TCF12: variants seen among roughly 807,000 people sequenced by gnomAD.
TCF12 encodes the protein DNA-binding protein HTF4.
A neutral mutation model predicts 86.0 loss-of-function variants in TCF12; 45 were observed. The observed-to-expected ratio is 0.52, with a 90% confidence interval of 0.41 to 0.67. The LOEUF (loss-of-function observed/expected upper bound fraction) is 0.67. TCF12 is among the 30% of genes least tolerant of loss of function. The pLI is 0.00. For synonymous variants in TCF12, 330 were observed against 299.6 expected (o/e 1.10, Z -1.05); for missense variants, 881 against 859.9 (o/e 1.02, Z -0.31).
intron 3 of TCF12, among the ~76,000 whole-genome samples, chr15:57,048,955 T>G (rs1274323407): frequency 6.6e-6 from 1 of 152,184 alleles, no homozygotes; most frequent in Non-Finnish European, 1.5e-5. Context: ...ATTGAACACT[T>G]ACTTCTCCAG....
At chr15:57,171,886 T>A (rs1307641657) in intron 6 of TCF12, among the ~76,000 whole-genome samples, 1 of 152,238 alleles carries the variant, frequency 6.6e-6, no homozygotes, top group African/African-American at 2.4e-5. Context: ...ACAAAGTTTT[T>A]CATTTATACC....
At chr15:56,955,500 A>C (rs1275645191) in intron 3 of TCF12, among the ~76,000 whole-genome samples, 2 of 152,184 alleles carry the variant, frequency 1.3e-5, no homozygotes, top group African/African-American at 4.8e-5. Flanking sequence ...ATGTATACCT[A>C]TGTATCAAAG....
rs1384679218 is a variant in TCF12, at chr15:57,284,262, T to C, written c.*11+1664T>C. On this transcript the variant is annotated intron_variant, in intron 20 of 20. Transcript: ENST00000333725. The stretch of plus-strand genomic sequence containing the variant: ...CTCTGTCGCCTGAGCTGGAGTGCAA[T>C]GGTGTGATCATCTCGGCTCACTCCA... Among the ~76,000 whole-genome samples, 4 of 152,298 alleles carry C rather than the reference T, an allele frequency of 2.6e-5. No homozygotes were observed. In the East Asian group the frequency reaches 7.7e-4, roughly 29 times the overall value.
At chr15:57,053,684 G>A (rs2067791610) in intron 3 of TCF12, among the ~76,000 whole-genome samples, 1 of 151,254 alleles carries the variant, frequency 6.6e-6, no homozygotes, top group Admixed American at 6.6e-5. Context: ...CATAACGCCT[G>A]TAGCTGCTTT....
At chr15:57,090,782 C>T (rs1490037572) in intron 4 of TCF12, among the ~76,000 whole-genome samples, 4 of 152,056 alleles carry the variant, frequency 2.6e-5, no homozygotes, top group South Asian at 2.1e-4. Context: ...TACGTTTTTC[C>T]GGTCTTTACC....
At chr15:57,266,415 C>T (rs2060874414) in intron 18 of TCF12, among the ~76,000 whole-genome samples, 1 of 152,114 alleles carries the variant, frequency 6.6e-6, no homozygotes, top group Non-Finnish European at 1.5e-5. Flanking sequence ...CATCACCATG[C>T]CACATTCATT....
At chr15:57,225,115 T>A (rs2058805588) in intron 8 of TCF12, among the ~76,000 whole-genome samples, 1 of 152,008 alleles carries the variant, frequency 6.6e-6, no homozygotes, top group African/African-American at 2.4e-5. Flanking sequence ...GTTATTTTCT[T>A]TGGGATTACG....
At chr15:57,203,356 T>G (rs2057650239) in intron 8 of TCF12, among the ~76,000 whole-genome samples, 1 of 152,236 alleles carries the variant, frequency 6.6e-6, no homozygotes, top group African/African-American at 2.4e-5. Flanking sequence ...TATTCTTTAT[T>G]TCTTAAGTTA....
chr15:57,062,768 C>T (rs777010649), intron 3 of TCF12, among the ~76,000 whole-genome samples: 5 of 152,128 alleles, frequency 3.3e-5, no homozygotes, highest in Non-Finnish European at 5.9e-5. Context: ...CTAAACTTAG[C>T]AGAATGTTAT....
rs565547215 is a variant in TCF12 at position 57,087,302 on chromosome 15, C to G, written c.223-4487C>G. 2.6e-5 allele frequency among the ~76,000 whole-genome samples: 4 copies of G among 151,558 alleles called. No individual in the cohort carries two copies. The South Asian group carries it at 8.3e-4, about 31-fold the overall frequency. On this transcript the variant is annotated intron_variant, in intron 4 of 20. Coordinates refer to ENST00000333725, the MANE Select transcript of TCF12 (RefSeq NM_207037.2). ...TGGTGTGTGCCTGTAGTCCCAGTTACTCAGGAGGCTGAAGTGGGAGGATTG... is the reference window on the plus strand; with the variant it reads ...TGGTGTGTGCCTGTAGTCCCAGTTAGTCAGGAGGCTGAAGTGGGAGGATTG...
chr15:57,270,505 T>C (rs1439885273), intron 18 of TCF12, among the ~76,000 whole-genome samples: 1 of 152,206 alleles, frequency 6.6e-6, no homozygotes, highest in Non-Finnish European at 1.5e-5. Flanking sequence ...GGTTAGAACA[T>C]GCTTCTTTAG....
intron 1 of TCF12, 135 bp from the exon 2 acceptor site, chr15:56,919,757 G>T (rs1279205450): frequency 4.4e-6 from 3 of 683,922 alleles, no homozygotes; most frequent in Admixed American, 3.1e-5. Context: ...CGCCGCGGTG[G>T]GAGCGAGTCG....
intron 16 of TCF12, among the ~76,000 whole-genome samples, chr15:57,257,610 A>G (rs891730697): frequency 6.6e-6 from 1 of 151,496 alleles, no homozygotes; most frequent in Non-Finnish European, 1.5e-5. Flanking sequence ...GCAGTGAGCC[A>G]TGATCATGCC....
chr15:57,102,927 A>G (rs1437670502), intron 5 of TCF12, among the ~76,000 whole-genome samples: 1 of 152,222 alleles, frequency 6.6e-6, no homozygotes. Context: ...TAAGATTGTT[A>G]GCTTTAGTGT....
chr15:57,130,276 A>C (rs1259598835), intron 5 of TCF12, among the ~76,000 whole-genome samples: 3 of 152,222 alleles, frequency 2.0e-5, no homozygotes, highest in Admixed American at 6.5e-5. Flanking sequence ...TTATTACCTT[A>C]AAGCTAACCT....
chr15:56,985,503 C>G (rs374314283), intron 3 of TCF12, among the ~76,000 whole-genome samples: 1 of 152,090 alleles, frequency 6.6e-6, no homozygotes, highest in Non-Finnish European at 1.5e-5. Flanking sequence ...TATCCAGATA[C>G]GTAGATGGTA....
At chr15:56,946,242 C>T (rs1449261581) in intron 3 of TCF12, among the ~76,000 whole-genome samples, 1 of 152,136 alleles carries the variant, frequency 6.6e-6, no homozygotes, top group Non-Finnish European at 1.5e-5. Context: ...CATATATTAG[C>T]ACTCTTGATA....
At chr15:57,146,684 A>G (rs2053386171) in intron 5 of TCF12, among the ~76,000 whole-genome samples, 1 of 152,198 alleles carries the variant, frequency 6.6e-6, no homozygotes, top group African/African-American at 2.4e-5. Flanking sequence ...CTTTGTAGTT[A>G]ATCATGAAAG....
chr15:56,967,010 T>C (rs1293498537), intron 3 of TCF12, among the ~76,000 whole-genome samples: 4 of 152,086 alleles, frequency 2.6e-5, no homozygotes, highest in African/African-American at 4.8e-5. Flanking sequence ...TAATCTCAGC[T>C]ACTCGGGAGG....
Sources: gnomAD v4.1 joint callset for allele counts (sites outside exome capture counted in the v4.1 genomes callset) on GRCh38, gnomAD v4.1.1 for gene constraint, MANE v1.5 for transcripts, NCBI Gene and HGNC (gene_info 2026-07-23, HGNC 2026-07-21) for gene names.